CREBBP: variants seen among roughly 807,000 people sequenced by gnomAD.
CREBBP encodes the protein CREB-binding protein.
A neutral mutation model predicts 265.0 loss-of-function variants in CREBBP; 19 were observed. That is an observed-to-expected ratio of 0.07 (90% CI 0.05 to 0.11). The LOEUF (loss-of-function observed/expected upper bound fraction) is 0.11. Among genes scored for constraint, CREBBP ranks in the 10% least tolerant of loss-of-function variants. The probability of loss-of-function intolerance (pLI) is 1.00; values close to 1 mark genes in which losing one functional copy is unlikely to be tolerated. For synonymous variants in CREBBP, 1,457 were observed against 1,223.7 expected (o/e 1.19, Z -3.98); for missense variants, 2,525 against 3,219.0 (o/e 0.78, Z 5.22).
At chr16:3,737,612 G>A (rs1461601140) in intron 26 of CREBBP, among the ~76,000 whole-genome samples, 1 of 151,560 alleles carries the variant, frequency 6.6e-6, no homozygotes, top group African/African-American at 2.4e-5. Flanking sequence ...CTAGGCACCC[G>A]CCACCACGCC....
In CREBBP at chr16:3,769,213, C is replaced by G. The variant is rs774653315; in HGVS notation, c.3021G>C (p.Glu1007Asp). ...CCCCTTTGGATTCACCAGGATCGGG[C>G]TCAGTGTCCTCTGCTTGGGTCTCCG... ...MKTETQAEDTEPDPGESKGEP... is the reference protein window; with the variant it reads ...MKTETQAEDTDPDPGESKGEP... The change falls in exon 15 of 31, where the codon GAG becomes GAC. Residue 1007 changes from glutamate (E) to aspartate (D), a missense_variant. Glu to Asp is a conservative substitution (Grantham distance 45). Transcript: ENST00000262367. The G allele has an allele frequency of 2.1e-5, 34 of 1,614,040 alleles. No individual in the cohort carries two copies. The Admixed American group carries it at 5.5e-4, about 26-fold the overall frequency.
chr16:3,736,888 G>C lies in CREBBP; in HGVS notation c.4395-73C>G, dbSNP rs2052075270. ...GCCCTGCCTTTAAGGAGTTATAGCA[G>C]AGGAGCAAGGACTAAAGCCAGGACA... is the stretch of plus-strand genomic sequence containing the variant. On this transcript the variant is annotated intron_variant, in intron 26 of 30. Coordinates refer to ENST00000262367, the MANE Select transcript of CREBBP (RefSeq NM_004380.3). The C allele has an allele frequency of 1.9e-6, 3 of 1,566,634 alleles. No homozygotes were observed. In the East Asian group the frequency reaches 6.7e-5, roughly 35 times the overall value.
chr16:3,759,097 G>A (rs2052651048), intron 16 of CREBBP, 125 bp from the exon 17 acceptor site: 1 of 773,210 alleles, frequency 1.3e-6, no homozygotes, highest in Admixed American at 1.9e-5. Flanking sequence ...GCACTCGAGG[G>A]GCTCTCGTCC....
rs559759911 is a variant in CREBBP, at chr16:3,829,483, G to C, written c.799-18704C>G. ...GTAACTAAGTGTGCAGGACTACGAA[G>C]GAATTGTGAATTGAACAGATTCCAG... On this transcript the variant is annotated intron_variant, in intron 2 of 30. Transcript: ENST00000262367. Among the ~76,000 whole-genome samples the C allele has an allele frequency of 2.0e-5, 3 of 152,292 alleles. No homozygotes were observed. In the South Asian group the frequency reaches 6.2e-4, roughly 32 times the overall value.
intron 26 of CREBBP, 93 bp downstream of exon 26, chr16:3,738,466 A>C (rs1166833160): frequency 3.7e-6 from 3 of 817,232 alleles, no homozygotes; most frequent in Non-Finnish European, 6.2e-6. Flanking sequence ...ATAAAAACGC[A>C]TAAAACTTAA....
intron 19 of CREBBP, among the ~76,000 whole-genome samples, chr16:3,756,486 T>C (rs1192454521): frequency 6.6e-6 from 1 of 152,262 alleles, no homozygotes; most frequent in Non-Finnish European, 1.5e-5. Context: ...AGGAGATCTA[T>C]TCTTTAGCCA....
At chr16:3,773,536 T>G in intron 13 of CREBBP, 2 of 578,476 alleles carry the variant, frequency 3.5e-6, no homozygotes, top group Admixed American at 3.3e-5. Context: ...CATTCCCACT[T>G]TTGCATATAG....
chr16:3,742,580 C>T (rs1162437424), intron 23 of CREBBP: 1 of 152,124 alleles, frequency 6.6e-6, no homozygotes, highest in Non-Finnish European at 1.5e-5. Context: ...TAACTCAACA[C>T]AATAAAATTA....
At chr16:3,869,356 T>C (rs1012006557) in intron 1 of CREBBP, among the ~76,000 whole-genome samples, 6 of 152,216 alleles carry the variant, frequency 3.9e-5, no homozygotes, top group Admixed American at 3.3e-4. Context: ...TTTTCTAAAT[T>C]AGTGAATAAT....
At chr16:3,787,970 G>A (rs950607086) in intron 5 of CREBBP, among the ~76,000 whole-genome samples, 2 of 152,178 alleles carry the variant, frequency 1.3e-5, no homozygotes, top group Non-Finnish European at 2.9e-5. Context: ...TAGCCACTGC[G>A]TCCGGCCAAA....
At position 3,778,691 on chromosome 16, in the gene CREBBP, G is replaced by T; in HGVS notation, c.1941+9C>A. The stretch of plus-strand genomic sequence containing the variant: ...TGTAGAGGCCAGAGCACGGTAAACA[G>T]CAACCTACCCTGCTGTTGGCAGACT... On this transcript the variant is annotated intron_variant, in intron 9 of 30. Transcript: ENST00000262367. 1 of 1,606,116 alleles carries T rather than the reference G, an allele frequency of 6.2e-7. No individual in the cohort carries two copies. The highest frequency in any genetic ancestry group is 8.5e-7 in the Non-Finnish European group (1 of 1,172,974).
intron 1 of CREBBP, among the ~76,000 whole-genome samples, chr16:3,871,471 C>A (rs763075887): frequency 4.6e-5 from 7 of 152,230 alleles, no homozygotes; most frequent in Admixed American, 2.6e-4. Flanking sequence ...GCAACTGGGT[C>A]AAACTCGTAG....
At chr16:3,863,783 T>A (rs1048108272) in intron 1 of CREBBP, among the ~76,000 whole-genome samples, 2 of 152,174 alleles carry the variant, frequency 1.3e-5, no homozygotes, top group Admixed American at 6.5e-5. Context: ...ATGGTTTGCG[T>A]GCTGCTTCCC....
chr16:3,830,327 G>A (rs914600989), intron 2 of CREBBP, among the ~76,000 whole-genome samples: 2 of 152,108 alleles, frequency 1.3e-5, no homozygotes, highest in South Asian at 2.1e-4. Flanking sequence ...CACCCGGGGT[G>A]GGGGGCAGAG....
chr16:3,815,886 G>A (rs1300296720), intron 2 of CREBBP, among the ~76,000 whole-genome samples: 1 of 151,688 alleles, frequency 6.6e-6, no homozygotes, highest in African/African-American at 2.4e-5. Flanking sequence ...CAAATACAAA[G>A]TCTTATTCAT....
Position 3,807,057 on chromosome 16 carries a change from C to T in CREBBP, c.975+3546G>A, listed in dbSNP as rs565842342. On this transcript the variant is annotated intron_variant, in intron 3 of 30. Transcript: ENST00000262367. ...GTTTGTAACGATTTGTTTTCCGTGG[C>T]CACTACACCTTCCATTTCACAAAAG... 2.2e-3 allele frequency among the ~76,000 whole-genome samples: 334 copies of T among 152,350 alleles called. 1 individual carries two copies. The highest frequency in any genetic ancestry group is 3.0e-3 in the Non-Finnish European group (205 of 68,034).
Position 3,769,114 on chromosome 16 carries a change from G to A in CREBBP, c.3060+60C>T, listed in dbSNP as rs367833294. The A allele has an allele frequency of 2.2e-5, 35 of 1,598,172 alleles. No individual in the cohort carries two copies. In the East Asian group the frequency reaches 2.2e-4, roughly 10 times the overall value. On this transcript the variant is annotated intron_variant, in intron 15 of 30. Transcript: ENST00000262367. ...CCATGGCAGGCTCCAAGCCTCGCCCGAGGACACCTGGGTAAAGTTGCGATA... is the reference window on the plus strand; with the variant it reads ...CCATGGCAGGCTCCAAGCCTCGCCCAAGGACACCTGGGTAAAGTTGCGATA...
At chr16:3,740,683 A>G in intron 23 of CREBBP, 134 bp from the exon 24 acceptor site, 1 of 1,041,656 alleles carries the variant, frequency 9.6e-7, no homozygotes, top group South Asian at 1.4e-5. Context: ...AACACGGAAG[A>G]AATCTAATCT....
At chr16:3,740,340 C>T (rs2151339455) in intron 24 of CREBBP, 59 bp downstream of exon 24, 1 of 1,604,868 alleles carries the variant, frequency 6.2e-7, no homozygotes, top group Non-Finnish European at 8.5e-7. Context: ...AGAGAGCAGG[C>T]TCTGGCAAGC....
Sources: gnomAD v4.1 joint callset for allele counts (sites outside exome capture counted in the v4.1 genomes callset) on GRCh38, gnomAD v4.1.1 for gene constraint, MANE v1.5 for transcripts, NCBI Gene and HGNC (gene_info 2026-07-23, HGNC 2026-07-21) for gene names.